The following SCMH1 variants were observed in gnomAD, a reference collection of about 807,000 sequenced individuals.
The protein encoded by SCMH1 is polycomb protein SCMH1.
SCMH1 carries 37 observed loss-of-function variants against 70.8 expected under a neutral mutation model. The ratio of observed to expected loss-of-function variants is 0.52; its 90% CI spans 0.40 to 0.69. SCMH1 has a LOEUF of 0.69. SCMH1 is among the 30% of genes least tolerant of loss of function. The pLI is 0.00. For synonymous variants in SCMH1, 292 were observed against 307.4 expected, an observed-to-expected ratio of 0.95 and a Z score of 0.52; for missense variants, 607 against 827.3, an observed-to-expected ratio of 0.73 and a Z score of 3.27.
chr1:41,238,875 AT>A (rs1171030418), intron 1 of SCMH1, among the ~76,000 whole-genome samples: 9 of 152,178 alleles, frequency 5.9e-5, no homozygotes, highest in African/African-American at 1.9e-4. Flanking sequence ...CAAGTCCAGA[AT>A]TGAACTCATC....
At chr1:41,142,651 T>C (rs1644204650) in intron 6 of SCMH1, among the ~76,000 whole-genome samples, 1 of 152,212 alleles carries the variant, frequency 6.6e-6, no homozygotes, top group Non-Finnish European at 1.5e-5. Flanking sequence ...AAGGGTGTGA[T>C]TTCTTGTTAG....
At chr1:41,149,707 C>A (rs1644892519) in intron 5 of SCMH1, among the ~76,000 whole-genome samples, 2 of 152,162 alleles carry the variant, frequency 1.3e-5, no homozygotes. Flanking sequence ...AATACTCAGG[C>A]TAAGGTTAAT....
intron 6 of SCMH1, among the ~76,000 whole-genome samples, chr1:41,126,046 A>G (rs1238413908): frequency 6.6e-6 from 1 of 152,222 alleles, no homozygotes; most frequent in Non-Finnish European, 1.5e-5. Flanking sequence ...TTTAAAGGCC[A>G]GAGTAGATAC....
intron 8 of SCMH1, among the ~76,000 whole-genome samples, chr1:41,087,937 G>GGTGTGTGTGTGTGTGTGT (rs55721560): frequency 0.13 from 18,778 of 139,708 alleles, 1,891 homozygotes; most frequent in African/African-American, 0.26. Context: ...TATAGTTTCT[G>GGTGTGTGTGTGTGTGTGT]GTGTGTGTGT....
At chr1:41,074,973 C>T (rs1286563668) in intron 9 of SCMH1, among the ~76,000 whole-genome samples, 1 of 152,236 alleles carries the variant, frequency 6.6e-6, no homozygotes, top group Non-Finnish European at 1.5e-5. Flanking sequence ...CGTCATTCTC[C>T]TGCCTCAGCC....
chr1:41,067,870 T>G (rs1354823798), intron 10 of SCMH1, among the ~76,000 whole-genome samples: 1 of 152,142 alleles, frequency 6.6e-6, no homozygotes, highest in Non-Finnish European at 1.5e-5. Context: ...TGGAGGATGT[T>G]GATGAATGGG....
At chr1:41,073,939 G>C (rs1657380694) in intron 9 of SCMH1, among the ~76,000 whole-genome samples, 1 of 152,012 alleles carries the variant, frequency 6.6e-6, no homozygotes, top group African/African-American at 2.4e-5. Context: ...GGGAGAACTG[G>C]GTATCATCTC....
chr1:41,054,182 G>A (rs957487939), intron 10 of SCMH1, among the ~76,000 whole-genome samples: 3 of 152,168 alleles, frequency 2.0e-5, no homozygotes, highest in South Asian at 2.1e-4. Context: ...AGGTTTAAGG[G>A]AAAGTGAAGA....
intron 5 of SCMH1, among the ~76,000 whole-genome samples, chr1:41,145,399 CAATTTT>C (rs1644462915): frequency 6.6e-6 from 1 of 152,116 alleles, no homozygotes; most frequent in Admixed American, 6.5e-5. Flanking sequence ...TCTGTACTCT[CAATTTT>C]AATTCATGGA....
intron 10 of SCMH1, among the ~76,000 whole-genome samples, chr1:41,069,112 T>C (rs893415496): frequency 6.6e-6 from 1 of 152,094 alleles, no homozygotes; most frequent in Non-Finnish European, 1.5e-5. Flanking sequence ...GAAAATGAAA[T>C]GTTGAGCAAC....
chr1:41,081,139 C>T (rs1468414485), intron 8 of SCMH1, among the ~76,000 whole-genome samples: 4 of 152,024 alleles, frequency 2.6e-5, no homozygotes, highest in African/African-American at 4.8e-5. Flanking sequence ...TAAAAATCCA[C>T]AAAATCAAAT....
At chr1:41,099,110 G>A in intron 8 of SCMH1, 1 of 238,114 alleles carries the variant, frequency 4.2e-6, no homozygotes, top group Non-Finnish European at 8.6e-6. Context: ...TCTGGATGTT[G>A]CCAACAAAAC....
At chr1:41,085,247 A>T (rs565501369) in intron 8 of SCMH1, among the ~76,000 whole-genome samples, 1 of 152,232 alleles carries the variant, frequency 6.6e-6, no homozygotes, top group Non-Finnish European at 1.5e-5. Flanking sequence ...AATATTAGGA[A>T]ATCAATCAAC....
At chr1:41,159,991 A>G (rs1645882907) in intron 4 of SCMH1, 1 of 408,218 alleles carries the variant, frequency 2.4e-6, no homozygotes. Context: ...AAAACTAAGG[A>G]TCAGAGTCAC....
At chr1:41,189,624 T>C (rs953465029) in intron 1 of SCMH1, among the ~76,000 whole-genome samples, 1 of 152,222 alleles carries the variant, frequency 6.6e-6, no homozygotes, top group African/African-American at 2.4e-5. Flanking sequence ...CAATAAATCC[T>C]ATCTCCTCCA....
At chr1:41,125,390 A>AT (rs1305903282) in intron 6 of SCMH1, among the ~76,000 whole-genome samples, 5 of 151,256 alleles carry the variant, frequency 3.3e-5, no homozygotes, top group Admixed American at 2.6e-4. Flanking sequence ...TAATTTTTGT[A>AT]TTTTTTTGTA....
chr1:41,223,145 A>G (rs1326455860), intron 1 of SCMH1, among the ~76,000 whole-genome samples: 4 of 152,184 alleles, frequency 2.6e-5, no homozygotes, highest in African/African-American at 9.7e-5. Context: ...TGCATATTCT[A>G]TCAATGGAAT....
intron 8 of SCMH1, among the ~76,000 whole-genome samples, chr1:41,087,891 G>C (rs1353987236): frequency 7.0e-6 from 1 of 142,758 alleles, no homozygotes; most frequent in Non-Finnish European, 1.5e-5. Flanking sequence ...ACATATTATT[G>C]TACAATATAC....
At chr1:41,074,728 T>C (rs1169192777) in intron 9 of SCMH1, among the ~76,000 whole-genome samples, 1 of 152,212 alleles carries the variant, frequency 6.6e-6, no homozygotes, top group East Asian at 1.9e-4. Flanking sequence ...CTATCTTTAA[T>C]ATTACCAACT....
Sources: allele counts gnomAD v4.1 joint callset (sites outside exome capture counted in the v4.1 genomes callset), GRCh38; gene constraint gnomAD v4.1.1; transcripts MANE v1.5; gene names NCBI Gene and HGNC (gene_info 2026-07-23, HGNC 2026-07-21).